CD68: variants seen among roughly 807,000 people sequenced by gnomAD.
CD68 encodes macrosialin.
CD68 carries 24 observed loss-of-function variants against 31.3 expected under a neutral mutation model. The ratio of observed to expected loss-of-function variants is 0.77; its 90% CI spans 0.55 to 1.08. The LOEUF (loss-of-function observed/expected upper bound fraction) is 1.08, where lower values mean the gene tolerates loss of function less well. Ranked by LOEUF, CD68 falls within the 50% of genes least tolerant of loss-of-function variation. The pLI is 0.00. For synonymous variants in CD68, 190 were observed against 179.6 expected (o/e 1.06, Z -0.46); for missense variants, 461 against 442.5 (o/e 1.04, Z -0.38).
Position 7,579,866 on chromosome 17 carries a change from T to C in CD68, c.106T>C (p.Phe36Leu). The C allele has an allele frequency of 2.5e-6, 4 of 1,613,846 alleles. No individual in the cohort carries two copies. Among genetic ancestry groups the C allele is most frequent in the Non-Finnish European group, 3.4e-6 (4 of 1,179,954 alleles). ...HKKSATLLPS[F>L]TVTPTVTEST... ...AAAATCAGCTACTTTGCTGCCATCC[T>C]TCACGGTGACACCCACGGTTACAGA... The change falls in exon 2 of 6, where the codon TTC becomes CTC. Residue 36 changes from phenylalanine to leucine, a missense_variant. By Grantham distance (22) the Phe-to-Leu change is conservative (BLOSUM62 0). Transcript: ENST00000250092.
At chr17:7,581,148 T>A in intron 5 of CD68, 82 bp downstream of exon 5, 1 of 1,328,958 alleles carries the variant, frequency 7.5e-7, no homozygotes, top group Non-Finnish European at 1.1e-6. Flanking sequence ...GCCACTCATC[T>A]CTCTTCTTAA....
Position 7,580,014 on chromosome 17 carries a change from G to A in CD68, c.254G>A (p.Ser85Asn). The change falls in exon 2 of 6, where the codon AGC (serine) becomes AAC (asparagine). Residue 85 changes from serine (S) to asparagine (N), a missense_variant. Ser to Asn is a conservative substitution (Grantham distance 46, BLOSUM62 1). Coordinates refer to ENST00000250092, the MANE Select transcript of CD68 (RefSeq NM_001251.3). The surrounding 1 kb of genome is among the most constrained non-coding windows in gnomAD (Gnocchi z 4.3). Reference protein sequence around the residue: ...TTATHNPTTTSHGNVTVHPTS... With the variant: ...TTATHNPTTTNHGNVTVHPTS... The stretch of plus-strand genomic sequence containing the variant: ...GCCACTCACAACCCCACCACCACCA[G>A]CCATGGAAACGTCACAGTTCATCCA... 1 of 1,609,058 alleles carries A rather than the reference G, an allele frequency of 6.2e-7. No homozygotes were observed. Among genetic ancestry groups the A allele is most frequent in the African/African-American group, 1.3e-5 (1 of 74,910 alleles).
chr17:7,580,747 G>A lies in CD68; in HGVS notation c.724G>A (p.Ala242Thr). 3 of 1,614,056 alleles carry A rather than the reference G, an allele frequency of 1.9e-6. No individual in the cohort carries two copies. Among genetic ancestry groups the A allele is most frequent in the Non-Finnish European group, 2.5e-6 (3 of 1,180,006 alleles). ...QQKVVYLSYMAVEYNVSFPHA... is the reference protein window; with the variant it reads ...QQKVVYLSYMTVEYNVSFPHA... Reference sequence around the variant, plus strand: ...GAAGGTTGTCTACCTGAGCTACATGGCGGTGGAGTACAATGTGTCCTTCCC... The same window carrying A: ...GAAGGTTGTCTACCTGAGCTACATGACGGTGGAGTACAATGTGTCCTTCCC... Residue 242 changes from alanine to threonine, a missense_variant, in exon 4 of 6, where the codon GCG (alanine) becomes ACG (threonine). Coordinates refer to ENST00000250092, the MANE Select transcript of CD68 (RefSeq NM_001251.3). The surrounding 1 kb of genome is among the most constrained non-coding windows in gnomAD (Gnocchi z 4.3).
At position 7,580,754 on chromosome 17, in the gene CD68, A is replaced by AGT. The variant is rs2071474381; in HGVS notation, c.732_733dup (p.Tyr245CysfsTer52). ...GTCTACCTGAGCTACATGGCGGTGGAGTACAATGTGTCCTTCCCCCACGCA... is the reference window on the plus strand; with the variant it reads ...GTCTACCTGAGCTACATGGCGGTGGAGTGTACAATGTGTCCTTCCCCCACGCA... On this transcript the variant is annotated frameshift_variant, in exon 4 of 6. Transcript: ENST00000250092. LOFTEE classifies it high-confidence loss of function. The surrounding 1 kb of genome is among the most constrained non-coding windows in gnomAD (Gnocchi z 4.3). 1 of 1,613,882 alleles carries AGT rather than the reference A, an allele frequency of 6.2e-7. No individual in the cohort carries two copies. The highest frequency in any genetic ancestry group is 8.5e-7 in the Non-Finnish European group (1 of 1,179,996).
In CD68 at chr17:7,580,546, C is replaced by T. The variant is rs2071470635; in HGVS notation, c.648C>T (p.Leu216=). The T allele has an allele frequency of 1.2e-6, 2 of 1,614,070 alleles. No individual in the cohort carries two copies. The highest frequency in any genetic ancestry group is 2.2e-5 in the South Asian group (2 of 91,088). The change falls in exon 3 of 6, where the codon CTC becomes CTT. Residue 216 remains leucine (L), a synonymous_variant. Coordinates refer to ENST00000250092, the MANE Select transcript of CD68 (RefSeq NM_001251.3). This position sits in a 1 kb window ranked among gnomAD's most constrained non-coding sequence, Gnocchi z 4.3. ...SCEGAHPHLL[L]SFPYGHLSFG... is the part of the protein sequence containing the mutation. ...AGGGTGCCCATCCCCACCTGCTTCT[C>T]TCATTCCCCTATGGACACCTCAGCT...
At position 7,581,737 on chromosome 17, in the gene CD68, C is replaced by T; in HGVS notation, c.*226C>T. The T allele has an allele frequency of 2.0e-6, 1 of 498,174 alleles. No individual in the cohort carries two copies. The highest frequency in any genetic ancestry group is 2.1e-5 in the South Asian group (1 of 46,914). 30.9% of individuals were successfully genotyped at this position (498,174 alleles called of 1,614,324 possible). ...AGGAGTTTGAGACCAGCCTGGCCAA[C>T]ATGGTGAAACCCTGTCTCTACTAAA... On this transcript the variant is annotated 3_prime_UTR_variant, in exon 6 of 6. Transcript: ENST00000250092.
chr17:7,580,579 C>T lies in CD68; in HGVS notation c.681C>T (p.Phe227=). The T allele has an allele frequency of 6.2e-7, 1 of 1,614,052 alleles. No individual in the cohort carries two copies. The highest frequency in any genetic ancestry group is 1.3e-5 in the African/African-American group (1 of 74,982). ...CCTATGGACACCTCAGCTTTGGATTCATGCAGGTATAGCCATGACCTCAGT... is the reference window on the plus strand; with the variant it reads ...CCTATGGACACCTCAGCTTTGGATTTATGCAGGTATAGCCATGACCTCAGT... The part of the protein sequence containing the change: ...SFPYGHLSFG[F]MQDLQQKVVY... Residue 227 remains phenylalanine, a synonymous_variant, in exon 3 of 6, where the codon TTC becomes TTT. Transcript: ENST00000250092. The surrounding 1 kb of genome is among the most constrained non-coding windows in gnomAD (Gnocchi z 4.3).
rs548491000 is a variant in CD68, at chr17:7,581,222, A to G, written c.931+156A>G. On this transcript the variant is annotated intron_variant, in intron 5 of 5. Transcript: ENST00000250092. The stretch of plus-strand genomic sequence containing the variant: ...GGGCAGCTTTCTTTCCATCCTCTAC[A>G]AGACTCTGCCAGTTTCCCCCTTTTA... The G allele has an allele frequency of 4.3e-6, 5 of 1,169,568 alleles. No individual in the cohort carries two copies. In the South Asian group the frequency reaches 6.8e-5, roughly 16 times the overall value. 72.4% of individuals were successfully genotyped at this position (1,169,568 alleles called of 1,614,324 possible).
intron 5 of CD68, 124 bp from the exon 6 acceptor site, chr17:7,581,254 C>G: frequency 7.8e-7 from 1 of 1,276,434 alleles, no homozygotes; most frequent in South Asian, 1.3e-5. Flanking sequence ...TTTATCACTG[C>G]TGAGTCACTG....
Position 7,581,294 on chromosome 17 carries a change from C to T in CD68, c.932-84C>T, listed in dbSNP as rs530900289. 6 of 1,540,246 alleles carry T rather than the reference C, an allele frequency of 3.9e-6. No individual in the cohort carries two copies. The East Asian group carries it at 6.8e-5, about 17-fold the overall frequency. ...GAGCTCCTCACCAATCTCCTACTCCCCAGCATCCCCCCATTCCCTCCTCCC... is the reference window on the plus strand; with the variant it reads ...GAGCTCCTCACCAATCTCCTACTCCTCAGCATCCCCCCATTCCCTCCTCCC... On this transcript the variant is annotated intron_variant, in intron 5 of 5. Transcript: ENST00000250092.
intron 5 of CD68, 153 bp from the exon 6 acceptor site, chr17:7,581,225 A>C (rs2071480911): frequency 8.5e-7 from 1 of 1,173,420 alleles, no homozygotes; most frequent in Non-Finnish European, 1.2e-6. Context: ...CCTCTACAAG[A>C]CTCTGCCAGT....
Position 7,581,543 on chromosome 17 carries a change from G to C in CD68, c.*32G>C. ...GCTTCAAACCCCAGGGCACTGAGGGGGTTGGGGTGTGGTGGGGGGGTACCC... is the reference window on the plus strand; with the variant it reads ...GCTTCAAACCCCAGGGCACTGAGGGCGTTGGGGTGTGGTGGGGGGGTACCC... On this transcript the variant is annotated 3_prime_UTR_variant, in exon 6 of 6. Coordinates refer to ENST00000250092, the MANE Select transcript of CD68 (RefSeq NM_001251.3). The C allele has an allele frequency of 6.2e-7, 1 of 1,612,480 alleles. No individual in the cohort carries two copies. Among genetic ancestry groups the C allele is most frequent in the South Asian group, 1.1e-5 (1 of 91,056 alleles).
chr17:7,581,544 G>A lies in CD68; in HGVS notation c.*33G>A. ...CTTCAAACCCCAGGGCACTGAGGGG[G>A]TTGGGGTGTGGTGGGGGGGTACCCT... On this transcript the variant is annotated 3_prime_UTR_variant, in exon 6 of 6. Coordinates refer to ENST00000250092, the MANE Select transcript of CD68 (RefSeq NM_001251.3). The A allele has an allele frequency of 1.2e-6, 2 of 1,601,694 alleles. No individual in the cohort carries two copies. The highest frequency in any genetic ancestry group is 1.7e-6 in the Non-Finnish European group (2 of 1,169,788).
chr17:7,581,227 T>A, intron 5 of CD68, 151 bp from the exon 6 acceptor site: 1 of 1,168,232 alleles, frequency 8.6e-7, no homozygotes, highest in Non-Finnish European at 1.3e-6. Flanking sequence ...TCTACAAGAC[T>A]CTGCCAGTTT....
Position 7,580,372 on chromosome 17 carries a change from G to A in CD68, c.567+45G>A. The A allele has an allele frequency of 1.2e-6, 2 of 1,608,760 alleles. No homozygotes were observed. Among genetic ancestry groups the A allele is most frequent in the Non-Finnish European group, 8.5e-7 (1 of 1,176,412 alleles). ...ATGAGAGGGGAGGGAGGCAGGACTG[G>A]ATATAGGCTCAGAGGGAAGAAGGAA... On this transcript the variant is annotated intron_variant, in intron 2 of 5. Transcript: ENST00000250092. The surrounding 1 kb of genome is among the most constrained non-coding windows in gnomAD (Gnocchi z 4.3).
At position 7,581,502 on chromosome 17, in the gene CD68, G is replaced by T. The variant is rs1303814372; in HGVS notation, c.1056G>T (p.Gln352His). ...CIIRRRPSAY[Q>H]AL ...TCCGGAGACGCCCATCCGCCTACCA[G>T]GCCCTCTGAGCATTTGCTTCAAACC... Residue 352 changes from glutamine (Q) to histidine (H), a missense_variant, in exon 6 of 6, where the codon CAG (glutamine) becomes CAT (histidine). Physicochemically the swap from Gln to His is conservative, Grantham distance 24. Transcript: ENST00000250092. 6.2e-7 allele frequency: 1 copy of T among 1,614,026 alleles called. No homozygotes were observed. The highest frequency in any genetic ancestry group is 8.5e-7 in the Non-Finnish European group (1 of 1,180,040).
Position 7,581,422 on chromosome 17 carries a change from A to T in CD68, c.976A>T (p.Ile326Phe), listed in dbSNP as rs767124041. The T allele has an allele frequency of 6.2e-7, 1 of 1,613,886 alleles. No homozygotes were observed. Among genetic ancestry groups the T allele is most frequent in the Admixed American group, 1.7e-5 (1 of 60,002 alleles). The change falls in exon 6 of 6, where the codon ATC becomes TTC. Residue 326 changes from isoleucine (I) to phenylalanine (F), a missense_variant. Coordinates refer to ENST00000250092, the MANE Select transcript of CD68 (RefSeq NM_001251.3). ...CCGGTCCATCTTGCTGCCTCTCATC[A>T]TCGGCCTGATCCTTCTTGGCCTCCT... ...SDRSILLPLI[I>F]GLILLGLLAL... is the part of the protein sequence containing the mutation.
chr17:7,579,828 A>G lies in CD68; in HGVS notation c.68A>G (p.Asp23Gly). ...CCAAAAGCCCAGGGGACAGGGAATGACTGTCCTCACAAAAAATCAGCTACT... is the reference window on the plus strand; with the variant it reads ...CCAAAAGCCCAGGGGACAGGGAATGGCTGTCCTCACAAAAAATCAGCTACT... ...GLLAAQGTGN[D>G]CPHKKSATLL... is the part of the protein sequence containing the mutation. The change falls in exon 2 of 6, where the codon GAC becomes GGC. Residue 23 changes from aspartate (D) to glycine (G), a missense_variant. Asp to Gly is a moderately conservative substitution (Grantham distance 94). Transcript: ENST00000250092. The G allele has an allele frequency of 6.2e-7, 1 of 1,613,662 alleles. No individual in the cohort carries two copies. Among genetic ancestry groups the G allele is most frequent in the African/African-American group, 1.3e-5 (1 of 74,912 alleles).
rs1161919134 is a variant in CD68 at position 7,581,248 on chromosome 17, T to TCA, written c.932-128_932-127dup. The TCA allele has an allele frequency of 2.4e-6, 3 of 1,248,864 alleles. No individual in the cohort carries two copies. The African/African-American group carries it at 4.4e-5, about 18-fold the overall frequency. 77.4% of individuals were successfully genotyped at this position (1,248,864 alleles called of 1,614,324 possible). On this transcript the variant is annotated intron_variant, in intron 5 of 5. Coordinates refer to ENST00000250092, the MANE Select transcript of CD68 (RefSeq NM_001251.3). The stretch of plus-strand genomic sequence containing the variant: ...AGACTCTGCCAGTTTCCCCCTTTTA[T>TCA]CACTGCTGAGTCACTGCGGTGAGCT...
Sources: allele counts gnomAD v4.1 joint callset, GRCh38; gene constraint gnomAD v4.1.1; non-coding constraint Gnocchi (gnomAD v3.1); transcripts MANE v1.5; gene names NCBI Gene and HGNC (gene_info 2026-07-23, HGNC 2026-07-21).